The following ACAP2 variants were observed in gnomAD, a reference collection of about 807,000 sequenced individuals.
ACAP2 encodes the protein ArfGAP with coiled-coil, ankyrin repeat and PH domains 2.
Under a neutral mutation model 115.8 loss-of-function variants are expected in ACAP2, and 39 were observed. The observed-to-expected ratio is 0.34, with a 90% CI of 0.26 to 0.44. ACAP2 has a LOEUF of 0.44. Among genes scored for constraint, ACAP2 ranks in the 20% least tolerant of loss-of-function variants. The pLI is 1.00. For missense variants in ACAP2, 662 were observed against 927.6 expected, an observed-to-expected ratio of 0.71 and a Z score of 3.72; for synonymous variants, 289 against 315.8, an observed-to-expected ratio of 0.92 and a Z score of 0.90.
intron 16 of ACAP2, among the ~76,000 whole-genome samples, chr3:195,296,536 G>T (rs1310742556): frequency 1.3e-5 from 2 of 152,100 alleles, no homozygotes; most frequent in Non-Finnish European, 2.9e-5. Context: ...GATTTAAATG[G>T]TATTGGTTTA....
At chr3:195,294,896 C>A in intron 17 of ACAP2, 85 bp from the exon 18 acceptor site, 2 of 796,884 alleles carry the variant, frequency 2.5e-6, no homozygotes, top group Non-Finnish European at 2.1e-6. Context: ...AAAATGAGCT[C>A]TTACACATCA....
At chr3:195,342,245 A>G (rs190948885) in intron 6 of ACAP2, among the ~76,000 whole-genome samples, 41 of 152,366 alleles carry the variant, frequency 2.7e-4, no homozygotes, top group Admixed American at 1.8e-3. Flanking sequence ...AAAATGGGAA[A>G]TATAATGTTA....
At chr3:195,308,534 AAC>A (rs1728560292) in intron 11 of ACAP2, among the ~76,000 whole-genome samples, 1 of 152,186 alleles carries the variant, frequency 6.6e-6, no homozygotes, top group South Asian at 2.1e-4. Context: ...AAACATTTTA[AAC>A]AATCCTGTGA....
chr3:195,426,064 T>C (rs116823020), intron 1 of ACAP2, among the ~76,000 whole-genome samples: 1 of 152,220 alleles, frequency 6.6e-6, no homozygotes, highest in Non-Finnish European at 1.5e-5. Context: ...TCCAAACTCA[T>C]CACTACAGAT....
rs754582816 is a variant in ACAP2, at chr3:195,349,612, AC to A, written c.286-4296del. On this transcript the variant is annotated intron_variant, in intron 4 of 22. Coordinates refer to ENST00000326793, the MANE Select transcript of ACAP2 (RefSeq NM_012287.6). Reference sequence around the variant, plus strand: ...ATGCTCAGAGAAATTAAAAAAAAAAACAAATGGAGACAATCTTTCATGCTCT... The same window carrying A: ...ATGCTCAGAGAAATTAAAAAAAAAAAAAATGGAGACAATCTTTCATGCTCT... 3.2e-3 allele frequency: 499 copies of A among 158,154 alleles called. 2 individuals are homozygous for A. Among genetic ancestry groups the A allele is most frequent in the Non-Finnish European group, 3.5e-3 (251 of 72,022 alleles). The allele number at this position is 158,154 out of a possible 1,614,324, so 9.8% of individuals were successfully genotyped here.
chr3:195,434,517 T>C (rs959710241), intron 1 of ACAP2, among the ~76,000 whole-genome samples: 1 of 152,230 alleles, frequency 6.6e-6, no homozygotes, highest in African/African-American at 2.4e-5. Flanking sequence ...AATATAGGCA[T>C]AAGCCATTGT....
At chr3:195,289,315 A>C in intron 20 of ACAP2, 84 bp from the exon 21 acceptor site, 2 of 885,718 alleles carry the variant, frequency 2.3e-6, no homozygotes, top group Non-Finnish European at 3.6e-6. Context: ...AGTACTACTT[A>C]AGTAACATTT....
At chr3:195,295,204 A>G (rs1192549889) in intron 17 of ACAP2, 1 of 1,290,112 alleles carries the variant, frequency 7.8e-7, no homozygotes, top group Admixed American at 2.3e-5. Context: ...ACTACTACGC[A>G]GTTTTGAAGA....
chr3:195,337,738 C>A (rs1466215253), intron 6 of ACAP2, among the ~76,000 whole-genome samples: 1 of 152,222 alleles, frequency 6.6e-6, no homozygotes, highest in Non-Finnish European at 1.5e-5. Flanking sequence ...TGAGCCACTG[C>A]GCCAGGCCCA....
At position 195,320,961 on chromosome 3, in the gene ACAP2, T is replaced by G. The variant is rs1729409046; in HGVS notation, c.745-148A>C. The G allele has an allele frequency of 5.6e-6, 3 of 535,300 alleles. No individual in the cohort carries two copies. In the East Asian group the frequency reaches 8.6e-5, roughly 15 times the overall value. The allele number at this position is 535,300 out of a possible 1,614,324, so 33.2% of individuals were successfully genotyped here. On this transcript the variant is annotated intron_variant, in intron 9 of 22. Transcript: ENST00000326793. ...TTAATAAGAAAAATGAAGGGGGACT[T>G]AAATGATCAATAATAAAGAAATGTT...
At chr3:195,372,987 C>CAAAAAAAAAAAAAAAAAAAAAAAAAA (rs869134113) in intron 4 of ACAP2, among the ~76,000 whole-genome samples, 2 of 17,778 alleles carry the variant, frequency 1.1e-4, no homozygotes, top group African/African-American at 1.9e-4. Flanking sequence ...GACTCCATCT[C>CAAAAAAAAAAAAAAAAAAAAAAAAAA]AAAAAAAAAA....
At chr3:195,337,426 T>C (rs531898653) in intron 6 of ACAP2, among the ~76,000 whole-genome samples, 1 of 150,082 alleles carries the variant, frequency 6.7e-6, no homozygotes, top group East Asian at 2.0e-4. Context: ...CAATCCATTA[T>C]ACACACGGCA....
Position 195,403,022 on chromosome 3 carries a change from A to G in ACAP2, c.54-10875T>C, listed in dbSNP as rs555388040. 3.3e-5 allele frequency among the ~76,000 whole-genome samples: 5 copies of G among 152,318 alleles called. No individual in the cohort carries two copies. In the South Asian group the frequency reaches 1.0e-3, roughly 32 times the overall value. ...GATGGTATGCGATAAGGTGGTAAGT[A>G]CCATGGGAAAAAAGGAAAGTGAAAT... On this transcript the variant is annotated intron_variant, in intron 1 of 22. Coordinates refer to ENST00000326793, the MANE Select transcript of ACAP2 (RefSeq NM_012287.6).
intron 16 of ACAP2, 101 bp from the exon 17 acceptor site, chr3:195,295,993 G>T: frequency 2.2e-6 from 2 of 909,702 alleles, no homozygotes; most frequent in Non-Finnish European, 3.3e-6. Flanking sequence ...CAAAGTCACT[G>T]AATGTAATAC....
At position 195,275,071 on chromosome 3, in the gene ACAP2, C is replaced by T. The variant is rs1414668089; in HGVS notation, c.*4257G>A. The T allele has an allele frequency of 6.6e-6, 1 of 152,592 alleles. No homozygotes were observed. The highest frequency in any genetic ancestry group is 2.4e-5 in the African/African-American group (1 of 41,430). 9.5% of individuals were successfully genotyped at this position (152,592 alleles called of 1,614,324 possible). A position where few individuals can be genotyped will look rare whatever the true frequency, so the allele number is the denominator to read the frequency against. On this transcript the variant is annotated 3_prime_UTR_variant, in exon 23 of 23. Transcript: ENST00000326793. ...AGTAAACACATATATAAAAGTAGCTCATCATTTCCAAAAGTTAACCTTTAG... is the reference window on the plus strand; with the variant it reads ...AGTAAACACATATATAAAAGTAGCTTATCATTTCCAAAAGTTAACCTTTAG...
intron 1 of ACAP2, among the ~76,000 whole-genome samples, chr3:195,399,733 T>C (rs1223420125): frequency 2.0e-5 from 3 of 151,674 alleles, no homozygotes; most frequent in African/African-American, 4.9e-5. Context: ...AGCAACCAAA[T>C]CACAGCACAA....
chr3:195,418,108 C>T (rs1209574418), intron 1 of ACAP2, among the ~76,000 whole-genome samples: 1 of 152,152 alleles, frequency 6.6e-6, no homozygotes, highest in Non-Finnish European at 1.5e-5. Context: ...GGCCTTTGGA[C>T]TTACAGTTCT....
chr3:195,364,999 ATTATG>A (rs1171692247), intron 4 of ACAP2, among the ~76,000 whole-genome samples: 1 of 152,230 alleles, frequency 6.6e-6, no homozygotes, highest in Non-Finnish European at 1.5e-5. Context: ...ACTAGACGTC[ATTATG>A]TTAAGTGAAA....
At chr3:195,288,730 C>T (rs895744531) in intron 21 of ACAP2, among the ~76,000 whole-genome samples, 17 of 152,130 alleles carry the variant, frequency 1.1e-4, no homozygotes, top group Non-Finnish European at 8.8e-5. Flanking sequence ...TGGTGGATCA[C>T]GCCTGTAATC....
Sources: allele counts gnomAD v4.1 joint callset (sites outside exome capture counted in the v4.1 genomes callset), GRCh38; gene constraint gnomAD v4.1.1; transcripts MANE v1.5; gene names NCBI Gene and HGNC (gene_info 2026-07-23, HGNC 2026-07-21).